SLC6A11: variants seen among roughly 807,000 people sequenced by gnomAD.
The protein encoded by SLC6A11 is solute carrier family 6 member 11.
In SLC6A11, 25 loss-of-function variants were observed where a neutral mutation model predicts 74.8. The observed-to-expected ratio is 0.33, with a 90% CI of 0.24 to 0.47. SLC6A11 has a LOEUF of 0.47. Among genes scored for constraint, SLC6A11 ranks in the 20% least tolerant of loss-of-function variants. The pLI, the probability that SLC6A11 is intolerant of heterozygous loss-of-function variation, is 1.00. For missense variants in SLC6A11, 574 were observed against 837.0 expected, an observed-to-expected ratio of 0.69 and a Z score of 3.88; for synonymous variants, 330 against 330.2, an observed-to-expected ratio of 1.00 and a Z score of 0.01.
intron 4 of SLC6A11, among the ~76,000 whole-genome samples, chr3:10,832,440 C>G (rs957044476): frequency 6.6e-6 from 1 of 152,186 alleles, no homozygotes; most frequent in African/African-American, 2.4e-5. Context: ...CAAAGCAAAC[C>G]CAGATCAACA....
chr3:10,843,198 T>C (rs1694459995), intron 4 of SLC6A11, among the ~76,000 whole-genome samples: 3 of 152,148 alleles, frequency 2.0e-5, no homozygotes, highest in Admixed American at 2.0e-4. Flanking sequence ...CAGGCCTGCG[T>C]CAACTCTGAA....
intron 9 of SLC6A11, among the ~76,000 whole-genome samples, chr3:10,928,179 CGT>C (rs1357845851): frequency 1.3e-5 from 2 of 152,078 alleles, no homozygotes; most frequent in African/African-American, 4.8e-5. Flanking sequence ...TGCTATTATT[CGT>C]GTTATTATTA....
chr3:10,930,669 G>A (rs993670722), intron 10 of SLC6A11, among the ~76,000 whole-genome samples: 5 of 152,110 alleles, frequency 3.3e-5, no homozygotes, highest in African/African-American at 9.7e-5. Flanking sequence ...AGAGGCTAAC[G>A]GACAGAATTC....
At chr3:10,905,085 C>G (rs543480666) in intron 6 of SLC6A11, among the ~76,000 whole-genome samples, 1 of 152,214 alleles carries the variant, frequency 6.6e-6, no homozygotes, top group Non-Finnish European at 1.5e-5. Context: ...TTCGTCAAAT[C>G]ATTCTAATGC....
At chr3:10,935,265 A>C in intron 13 of SLC6A11, 66 bp downstream of exon 13, 1 of 1,468,562 alleles carries the variant, frequency 6.8e-7, no homozygotes, top group South Asian at 1.2e-5. Context: ...CAGTTTCCTC[A>C]TCTGCATGGT....
rs1261028588 is a variant in SLC6A11, at chr3:10,925,947, C to T, written c.1121-57C>T. 1.1e-5 allele frequency: 10 copies of T among 929,560 alleles called. No homozygotes were observed. In the Admixed American group the frequency reaches 2.0e-4, roughly 18 times the overall value. The allele number at this position is 929,560 out of a possible 1,614,324, so 57.6% of individuals were successfully genotyped here. On this transcript the variant is annotated intron_variant, in intron 8 of 13. Transcript: ENST00000254488. ...CTCAGTAAATGCTGGATTAAAATAG[C>T]AATGATATGAGGGATGGGACTCCAC...
chr3:10,890,656 A>G (rs1034630778), intron 6 of SLC6A11, among the ~76,000 whole-genome samples: 1 of 152,180 alleles, frequency 6.6e-6, no homozygotes, highest in African/African-American at 2.4e-5. Context: ...CTGCCTTATT[A>G]CTTCTTAAGA....
intron 3 of SLC6A11, 90 bp from the exon 4 acceptor site, chr3:10,823,212 C>T (rs1694159913): frequency 3.4e-6 from 3 of 894,106 alleles, no homozygotes; most frequent in Admixed American, 1.9e-5. Context: ...GATGAAAATG[C>T]CTAGTTGCGC....
At chr3:10,830,075 AAG>A (rs1350195354) in intron 4 of SLC6A11, among the ~76,000 whole-genome samples, 1 of 152,272 alleles carries the variant, frequency 6.6e-6, no homozygotes, top group Non-Finnish European at 1.5e-5. Context: ...AAAAAACAAA[AAG>A]AGTTTTTGAA....
intron 6 of SLC6A11, among the ~76,000 whole-genome samples, chr3:10,891,776 C>T (rs1695110264): frequency 6.6e-6 from 1 of 152,186 alleles, no homozygotes; most frequent in South Asian, 2.1e-4. Context: ...AGTCTATTTG[C>T]TCATCTATGA....
At position 10,816,296 on chromosome 3, in the gene SLC6A11, A is replaced by G. The variant is rs1694054695; in HGVS notation, c.31A>G (p.Asn11Asp). 4.3e-6 allele frequency: 6 copies of G among 1,392,840 alleles called. No homozygotes were observed. Among genetic ancestry groups the G allele is most frequent in the Non-Finnish European group, 5.6e-6 (6 of 1,074,562 alleles). 86.3% of individuals were successfully genotyped at this position (1,392,840 alleles called of 1,614,324 possible). MTAEKALPLG[N>D]GKAAEEARES... ...GGCGGAGAAGGCGCTGCCCCTGGGC[A>G]ATGGGAAGGCTGCTGAGGAGGCGCG... Residue 11 changes from asparagine to aspartate, a missense_variant, in exon 1 of 14, where the codon AAT (asparagine) becomes GAT (aspartate). Coordinates refer to ENST00000254488, the MANE Select transcript of SLC6A11 (RefSeq NM_014229.3). This position sits in a 1 kb window ranked among gnomAD's most constrained non-coding sequence, Gnocchi z 4.2.
intron 5 of SLC6A11, 29 bp downstream of exon 5, chr3:10,844,375 C>T (rs372276830): frequency 4.0e-5 from 64 of 1,613,666 alleles, no homozygotes; most frequent in East Asian, 2.9e-4. Context: ...AGCAGCTAAC[C>T]GTGGCAGGGG....
At chr3:10,844,667 A>G (rs1460677902) in intron 5 of SLC6A11, among the ~76,000 whole-genome samples, 6 of 152,220 alleles carry the variant, frequency 3.9e-5, no homozygotes, top group Admixed American at 3.9e-4. Flanking sequence ...CTGAACTACT[A>G]CAAGGGTTCT....
Position 10,926,459 on chromosome 3 carries a change from C to G in SLC6A11, c.1233+343C>G, listed in dbSNP as rs548715538. Among the ~76,000 whole-genome samples, 17 of 152,352 alleles carry G rather than the reference C, an allele frequency of 1.1e-4. 1 individual carries two copies. The highest frequency in any genetic ancestry group is 4.1e-4 in the African/African-American group (17 of 41,574). Reference sequence around the variant, plus strand: ...TGCTCAACCACTCCTGCCAACAGCACTGCCTGGCACAGCAGAAGAGAGTCT... The same window carrying G: ...TGCTCAACCACTCCTGCCAACAGCAGTGCCTGGCACAGCAGAAGAGAGTCT... On this transcript the variant is annotated intron_variant, in intron 9 of 13. Coordinates refer to ENST00000254488, the MANE Select transcript of SLC6A11 (RefSeq NM_014229.3). The surrounding 1 kb of genome is among the most constrained non-coding windows in gnomAD (Gnocchi z 5.7).
In SLC6A11 at chr3:10,845,807, A is replaced by G. The variant is rs150229361; in HGVS notation, c.756+1461A>G. Among the ~76,000 whole-genome samples, 68 of 152,348 alleles carry G rather than the reference A, an allele frequency of 4.5e-4. No homozygotes were observed. In the East Asian group the frequency reaches 0.012, roughly 26 times the overall value. ...ATATTTGCTTTTTGTAGTTTGTATCATGAAGACAATAGGATTTTTCTTTTT... is the reference window on the plus strand; with the variant it reads ...ATATTTGCTTTTTGTAGTTTGTATCGTGAAGACAATAGGATTTTTCTTTTT... On this transcript the variant is annotated intron_variant, in intron 5 of 13. Transcript: ENST00000254488.
chr3:10,889,358 T>A (rs1372263028), intron 6 of SLC6A11, among the ~76,000 whole-genome samples: 1 of 152,176 alleles, frequency 6.6e-6, no homozygotes, highest in Non-Finnish European at 1.5e-5. Flanking sequence ...AAATGTGCAA[T>A]GTTGTAGCTC....
At chr3:10,828,673 C>G (rs1694249501) in intron 4 of SLC6A11, among the ~76,000 whole-genome samples, 1 of 152,168 alleles carries the variant, frequency 6.6e-6, no homozygotes, top group African/African-American at 2.4e-5. Flanking sequence ...TCCTGTGTGT[C>G]TGGCTCCTTC....
At chr3:10,920,316 A>T (rs1329875545) in intron 8 of SLC6A11, among the ~76,000 whole-genome samples, 2 of 152,218 alleles carry the variant, frequency 1.3e-5, no homozygotes, top group African/African-American at 2.4e-5. Flanking sequence ...AAGAAAAAAA[A>T]ATTCAAATCC....
At position 10,926,288 on chromosome 3, in the gene SLC6A11, G is replaced by A. The variant is rs901164850; in HGVS notation, c.1233+172G>A. Among the ~76,000 whole-genome samples, 2 of 148,576 alleles carry A rather than the reference G, an allele frequency of 1.3e-5. No homozygotes were observed. The highest frequency in any genetic ancestry group is 5.0e-5 in the African/African-American group (2 of 40,104). Reference sequence around the variant, plus strand: ...CTCCACTTCCCTCCCAGCAACTCTTGCACCCCCGCCATCCACCAGGTGGGC... The same window carrying A: ...CTCCACTTCCCTCCCAGCAACTCTTACACCCCCGCCATCCACCAGGTGGGC... On this transcript the variant is annotated intron_variant, in intron 9 of 13. Coordinates refer to ENST00000254488, the MANE Select transcript of SLC6A11 (RefSeq NM_014229.3). This position sits in a 1 kb window ranked among gnomAD's most constrained non-coding sequence, Gnocchi z 5.7.
Sources: gnomAD v4.1 joint callset for allele counts (sites outside exome capture counted in the v4.1 genomes callset) on GRCh38, gnomAD v4.1.1 for gene constraint, Gnocchi (gnomAD v3.1) non-coding constraint, MANE v1.5 for transcripts, NCBI Gene and HGNC (gene_info 2026-07-23, HGNC 2026-07-21) for gene names.